TRHDE: variants seen among roughly 807,000 people sequenced by gnomAD.
TRHDE encodes thyrotropin releasing hormone degrading enzyme, also known as thyrotropin-releasing hormone-degrading ectoenzyme.
In TRHDE, 72 loss-of-function variants were observed where a neutral mutation model predicts 125.7. The ratio of observed to expected loss-of-function variants is 0.57; its 90% CI spans 0.47 to 0.70. The LOEUF is 0.70. Ranked by LOEUF, TRHDE falls within the 30% of genes least tolerant of loss-of-function variation. The probability of loss-of-function intolerance (pLI) is 0.00; values close to 1 mark genes in which losing one functional copy is unlikely to be tolerated. For missense variants in TRHDE, 1,110 were observed against 1,327.1 expected, an observed-to-expected ratio of 0.84 and a Z score of 2.54; for synonymous variants, 509 against 509.1, an observed-to-expected ratio of 1.00 and a Z score of 0.00.
intron 15 of TRHDE, among the ~76,000 whole-genome samples, chr12:72,632,028 AGAT>A (rs1442358966): frequency 6.6e-6 from 1 of 151,962 alleles, no homozygotes; most frequent in Non-Finnish European, 1.5e-5. Context: ...AGAATACAAA[AGAT>A]GATGACAATT....
At chr12:72,145,784 CT>C (rs1453816274) in intron 2 of TRHDE, among the ~76,000 whole-genome samples, 2 of 152,192 alleles carry the variant, frequency 1.3e-5, no homozygotes, top group East Asian at 1.9e-4. Flanking sequence ...TTTTCTAGTC[CT>C]GATAATTAAT....
intron 2 of TRHDE, among the ~76,000 whole-genome samples, chr12:72,347,471 T>C (rs4072978): frequency 0.43 from 65,752 of 151,976 alleles, 15,027 homozygotes; most frequent in African/African-American, 0.58. Flanking sequence ...TTTCTGTGGG[T>C]TAGCAATCCG....
chr12:72,459,138 A>G (rs1876007921), intron 3 of TRHDE, among the ~76,000 whole-genome samples: 1 of 152,074 alleles, frequency 6.6e-6, no homozygotes, highest in African/African-American at 2.4e-5. Flanking sequence ...CAAAGCCAGC[A>G]ATGCCTGGTA....
chr12:72,108,397 G>A (rs1328316279), intron 2 of TRHDE, among the ~76,000 whole-genome samples: 1 of 152,046 alleles, frequency 6.6e-6, no homozygotes, highest in Non-Finnish European at 1.5e-5. Flanking sequence ...TATGTTGACA[G>A]AATAGTTATA....
intron 5 of TRHDE, among the ~76,000 whole-genome samples, chr12:72,484,470 C>T (rs2135917510): frequency 6.6e-6 from 1 of 152,228 alleles, no homozygotes; most frequent in South Asian, 2.1e-4. Flanking sequence ...AAGTATTCCC[C>T]ACTAATGATA....
At chr12:72,617,465 C>A (rs1380939149) in intron 12 of TRHDE, among the ~76,000 whole-genome samples, 1 of 152,114 alleles carries the variant, frequency 6.6e-6, no homozygotes, top group Non-Finnish European at 1.5e-5. Flanking sequence ...ATGAAAAAGT[C>A]TCCGTTTCCT....
At chr12:72,620,969 A>G in intron 13 of TRHDE, 139 bp from the exon 14 acceptor site, 1 of 432,732 alleles carries the variant, frequency 2.3e-6, no homozygotes. Flanking sequence ...ATAATAGAAC[A>G]TTACTGTACT....
intron 3 of TRHDE, among the ~76,000 whole-genome samples, chr12:72,425,822 A>T (rs1462311213): frequency 6.6e-6 from 1 of 152,086 alleles, no homozygotes; most frequent in Non-Finnish European, 1.5e-5. Flanking sequence ...TGACAAATAA[A>T]CCATACTCAG....
At chr12:72,536,571 G>GTGAT (rs2078099049) in intron 6 of TRHDE, among the ~76,000 whole-genome samples, 1 of 152,128 alleles carries the variant, frequency 6.6e-6, no homozygotes, top group African/African-American at 2.4e-5. Flanking sequence ...GTCCTGCTCA[G>GTGAT]TGATTGGCTA....
intron 3 of TRHDE, among the ~76,000 whole-genome samples, chr12:72,407,417 G>A (rs1194748608): frequency 3.3e-5 from 5 of 152,146 alleles, no homozygotes; most frequent in Non-Finnish European, 7.4e-5. Flanking sequence ...GAGACGTGGA[G>A]CATTTTCCAT....
At chr12:72,588,805 G>T (rs1871549140) in intron 12 of TRHDE, among the ~76,000 whole-genome samples, 1 of 152,122 alleles carries the variant, frequency 6.6e-6, no homozygotes, top group African/African-American at 2.4e-5. Flanking sequence ...AACTTATAAA[G>T]GAAAGAGATT....
At chr12:72,390,664 T>C (rs1872582037) in intron 3 of TRHDE, among the ~76,000 whole-genome samples, 1 of 152,202 alleles carries the variant, frequency 6.6e-6, no homozygotes, top group African/African-American at 2.4e-5. Flanking sequence ...GTGTTCTTTA[T>C]CCAGAACTTT....
chr12:72,158,174 C>A (rs1377644412), intron 2 of TRHDE, among the ~76,000 whole-genome samples: 2 of 151,832 alleles, frequency 1.3e-5, no homozygotes, highest in East Asian at 1.9e-4. Context: ...GAGAAAATTG[C>A]AAGAGGATAT....
chr12:72,456,125 A>T (rs1875833100), intron 3 of TRHDE, among the ~76,000 whole-genome samples: 1 of 116,226 alleles, frequency 8.6e-6, no homozygotes, highest in Non-Finnish European at 1.7e-5. Flanking sequence ...TATAATATGT[A>T]ATTACACACA....
At chr12:72,295,126 G>A (rs1357825957) in intron 2 of TRHDE, among the ~76,000 whole-genome samples, 2 of 149,514 alleles carry the variant, frequency 1.3e-5, no homozygotes, top group Admixed American at 6.6e-5. Context: ...AGCTGTGGTG[G>A]GGGGTGGCTG....
intron 2 of TRHDE, among the ~76,000 whole-genome samples, chr12:72,183,514 T>C (rs1231064975): frequency 6.6e-6 from 1 of 152,198 alleles, no homozygotes; most frequent in Non-Finnish European, 1.5e-5. Context: ...TATAAAATGG[T>C]CAAGTACAGA....
At position 72,655,879 on chromosome 12, in the gene TRHDE, A is replaced by G. The variant is rs185537891; in HGVS notation, c.2985-1048A>G. On this transcript the variant is annotated intron_variant, in intron 17 of 18. Transcript: ENST00000261180. ...TTAGCTAGCTTTTTTTCTGTGGAATAGTTCAATGTCAGAATTACAACAAAT... is the reference window on the plus strand; with the variant it reads ...TTAGCTAGCTTTTTTTCTGTGGAATGGTTCAATGTCAGAATTACAACAAAT... Among the ~76,000 whole-genome samples, 7 of 152,292 alleles carry G rather than the reference A, an allele frequency of 4.6e-5. No homozygotes were observed. The East Asian group carries it at 1.4e-3, about 29-fold the overall frequency.
chr12:72,633,786 G>T (rs1265494385), intron 15 of TRHDE, among the ~76,000 whole-genome samples: 1 of 152,034 alleles, frequency 6.6e-6, no homozygotes, highest in African/African-American at 2.4e-5. Context: ...AGTTAGGTGG[G>T]ATTATAAAAG....
intron 12 of TRHDE, among the ~76,000 whole-genome samples, chr12:72,593,458 A>T (rs1420843832): frequency 6.6e-6 from 1 of 152,006 alleles, no homozygotes; most frequent in South Asian, 2.1e-4. Flanking sequence ...ATTTATGCTC[A>T]TTGGGACAAT....
Sources: allele counts gnomAD v4.1 joint callset (sites outside exome capture counted in the v4.1 genomes callset), GRCh38; gene constraint gnomAD v4.1.1; transcripts MANE v1.5; gene names NCBI Gene and HGNC (gene_info 2026-07-23, HGNC 2026-07-21).